The following AEBP2 variants were observed in gnomAD, a reference collection of about 807,000 sequenced individuals.
The protein encoded by AEBP2 is AE binding protein 2.
AEBP2 carries 10 observed loss-of-function variants against 50.8 expected under a neutral mutation model. The ratio of observed to expected loss-of-function variants is 0.20; its 90% CI spans 0.12 to 0.33. The LOEUF (loss-of-function observed/expected upper bound fraction) is 0.33. Among genes scored for constraint, AEBP2 ranks in the 10% least tolerant of loss-of-function variants. The pLI is 1.00. For synonymous variants in AEBP2, 296 were observed against 261.3 expected (o/e 1.13, Z -1.28); for missense variants, 570 against 688.0 (o/e 0.83, Z 1.92).
chr12:19,446,201 G>C (rs554907732), intron 1 of AEBP2: 1 of 152,108 alleles, frequency 6.6e-6, no homozygotes, highest in South Asian at 2.1e-4. Context: ...GACCCATTGC[G>C]CCCCATTTAG....
chr12:19,465,441 G>C (rs16915491), intron 2 of AEBP2, among the ~76,000 whole-genome samples: 13,288 of 152,052 alleles, frequency 0.087, 675 homozygotes, highest in South Asian at 0.2. Context: ...TTTGATCAAA[G>C]ATAGGAGTCC....
In AEBP2 at chr12:19,518,607, CAA is replaced by C. The variant is rs879448004; in HGVS notation, c.*491_*492del. 2.1e-4 allele frequency: 295 copies of C among 1,397,624 alleles called. 1 individual carries two copies. In the African/African-American group the frequency reaches 4.0e-3, roughly 19 times the overall value. 86.6% of individuals were successfully genotyped at this position (1,397,624 alleles called of 1,614,324 possible). ...GAAATATTTAGACAATGAAAATTAT[CAA>C]GAGATAATTTACCTTTCAATTATGA... is the stretch of plus-strand genomic sequence containing the variant. On this transcript the variant is annotated 3_prime_UTR_variant, in exon 8 of 8. Coordinates refer to ENST00000266508, the MANE Select transcript of AEBP2 (RefSeq NM_153207.5).
chr12:19,445,885 AT>A (rs1948054084), intron 1 of AEBP2: 1 of 151,470 alleles, frequency 6.6e-6, no homozygotes. Context: ...TTATAAAAAA[AT>A]ATAACTAGCT....
chr12:19,473,223 A>T, intron 2 of AEBP2, 25 bp from the exon 3 acceptor site: 1 of 1,203,500 alleles, frequency 8.3e-7, no homozygotes, highest in Non-Finnish European at 1.1e-6. Context: ...CATGAAAATT[A>T]ATATGGTTCT....
At chr12:19,428,518 A>AC (rs2095749760) in intron 1 of AEBP2, among the ~76,000 whole-genome samples, 1 of 152,198 alleles carries the variant, frequency 6.6e-6, no homozygotes, top group African/African-American at 2.4e-5. Context: ...TTCTGCAAAA[A>AC]CAGAAACAAA....
At chr12:19,464,703 C>T (rs1276082324) in intron 2 of AEBP2, among the ~76,000 whole-genome samples, 1 of 151,694 alleles carries the variant, frequency 6.6e-6, no homozygotes, top group African/African-American at 2.4e-5. Flanking sequence ...TCTCCTGCCT[C>T]ACCCTCCCGA....
intron 1 of AEBP2, among the ~76,000 whole-genome samples, chr12:19,442,931 G>C (rs1004696280): frequency 6.6e-6 from 1 of 152,156 alleles, no homozygotes; most frequent in African/African-American, 2.4e-5. Flanking sequence ...TTTGTAACCA[G>C]TGGAAGGATA....
chr12:19,447,574 A>G (rs914723947), intron 1 of AEBP2, among the ~76,000 whole-genome samples: 6 of 152,250 alleles, frequency 3.9e-5, no homozygotes, highest in Admixed American at 2.0e-4. Context: ...GTGAAAGAGC[A>G]TGGACGTAAT....
At chr12:19,433,171 A>T (rs187113812) in intron 1 of AEBP2, among the ~76,000 whole-genome samples, 1 of 152,268 alleles carries the variant, frequency 6.6e-6, no homozygotes, top group Non-Finnish European at 1.5e-5. Flanking sequence ...GGATCATTTG[A>T]GTTCAGGAGT....
intron 1 of AEBP2, chr12:19,456,792 G>T: frequency 1.3e-6 from 2 of 1,572,044 alleles, no homozygotes; most frequent in Non-Finnish European, 1.8e-6. Flanking sequence ...GTTGACTGGA[G>T]CAAAGGTGAC....
In AEBP2 at chr12:19,514,758, C is replaced by A; in HGVS notation, c.1455C>A (p.Ala485=). The change falls in exon 7 of 8, where the codon GCC becomes GCA. Residue 485 remains alanine (A), a synonymous_variant. Transcript: ENST00000266508. ...VHLSKLPKDT[A]LLLDPNIYRT... is the part of the protein sequence containing the mutation. ...TATCAAAGCTACCCAAAGATACTGC[C>A]TTGCTTTTGGACCCAAACATATACA... The A allele has an allele frequency of 6.2e-7, 1 of 1,611,298 alleles. No homozygotes were observed.
intron 2 of AEBP2, among the ~76,000 whole-genome samples, chr12:19,465,609 C>T (rs1474052880): frequency 6.6e-6 from 1 of 151,980 alleles, no homozygotes; most frequent in Non-Finnish European, 1.5e-5. Context: ...CCAGGCTGGT[C>T]TCCAACTCCT....
At chr12:19,415,780 A>G (rs1334045563) in intron 1 of AEBP2, among the ~76,000 whole-genome samples, 1 of 152,128 alleles carries the variant, frequency 6.6e-6, no homozygotes, top group African/African-American at 2.4e-5. Context: ...CCTGTAACCC[A>G]CACCCATGGC....
At chr12:19,419,721 G>A (rs565920824) in intron 1 of AEBP2, among the ~76,000 whole-genome samples, 86 of 152,246 alleles carry the variant, frequency 5.6e-4, no homozygotes, top group Admixed American at 3.9e-3. Flanking sequence ...ACTGAACTCC[G>A]GAGTTTGAGA....
intron 1 of AEBP2, among the ~76,000 whole-genome samples, chr12:19,459,049 T>G (rs1399886405): frequency 6.6e-6 from 1 of 152,208 alleles, no homozygotes; most frequent in Non-Finnish European, 1.5e-5. Context: ...TTCCTGAGAT[T>G]GTTTATAAAT....
At chr12:19,460,566 C>T (rs1296777585) in intron 1 of AEBP2, among the ~76,000 whole-genome samples, 1 of 151,908 alleles carries the variant, frequency 6.6e-6, no homozygotes, top group Non-Finnish European at 1.5e-5. Flanking sequence ...CTTGATCAGG[C>T]TGGTCTTGAA....
Position 19,449,975 on chromosome 12 carries a change from A to T in AEBP2, c.671+9605A>T, listed in dbSNP as rs143340722. Among the ~76,000 whole-genome samples the T allele has an allele frequency of 2.7e-3, 409 of 152,332 alleles. 2 individuals carry two copies. Among genetic ancestry groups the T allele is most frequent in the African/African-American group, 7.6e-3 (316 of 41,566 alleles). ...AGAATTCCTTCCACCTTAGATGAATAAGAAGGGCCTTAGGGAAATTTGACT... is the reference window on the plus strand; with the variant it reads ...AGAATTCCTTCCACCTTAGATGAATTAGAAGGGCCTTAGGGAAATTTGACT... On this transcript the variant is annotated intron_variant, in intron 1 of 7. Coordinates refer to ENST00000266508, the MANE Select transcript of AEBP2 (RefSeq NM_153207.5).
At chr12:19,449,894 T>C (rs1320267558) in intron 1 of AEBP2, among the ~76,000 whole-genome samples, 4 of 152,110 alleles carry the variant, frequency 2.6e-5, no homozygotes, top group Admixed American at 1.3e-4. Context: ...GGTTTGGGAG[T>C]TTACTCTGAA....
chr12:19,489,849 T>C (rs1266246925), intron 3 of AEBP2, among the ~76,000 whole-genome samples: 1 of 151,204 alleles, frequency 6.6e-6, no homozygotes, highest in African/African-American at 2.4e-5. Context: ...TAAGCACTCT[T>C]TAGTTCTAAA....
Sources: allele counts gnomAD v4.1 joint callset (sites outside exome capture counted in the v4.1 genomes callset), GRCh38; gene constraint gnomAD v4.1.1; transcripts MANE v1.5; gene names NCBI Gene and HGNC (gene_info 2026-07-23, HGNC 2026-07-21).